Variants in IL1RAPL1 observed in about 807,000 individuals in gnomAD.
IL1RAPL1 encodes the protein interleukin-1 receptor accessory protein-like 1.
IL1RAPL1 carries 3 observed loss-of-function variants against 48.4 expected under a neutral mutation model. The ratio of observed to expected loss-of-function variants is 0.06; its 90% confidence interval spans 0.03 to 0.16. The LOEUF (loss-of-function observed/expected upper bound fraction) is 0.16, where lower values mean the gene tolerates loss of function less well. IL1RAPL1 is among the 10% of genes least tolerant of loss of function. IL1RAPL1 has a pLI of 1.00. For synonymous variants in IL1RAPL1, 185 were observed against 187.7 expected (o/e 0.99, Z 0.12); for missense variants, 349 against 530.6 (o/e 0.66, Z 3.36).
intron 1 of IL1RAPL1, among the ~76,000 whole-genome samples, chrX:28,624,642 C>T (rs758285262): frequency 9.0e-6 from 1 of 111,722 alleles, no homozygotes; most frequent in African/African-American, 3.3e-5. Flanking sequence ...TCAACAACTC[C>T]GTGAAGCTTT....
intron 2 of IL1RAPL1, among the ~76,000 whole-genome samples, chrX:29,208,708 A>AAATAAT (rs1199838563): frequency 3.0e-4 from 30 of 100,877 alleles, no homozygotes; most frequent in South Asian, 4.3e-4. Context: ...AAGATTCCAA[A>AAATAAT]AATAATAATA....
At chrX:29,916,975 TTC>T (rs1932804511) in intron 6 of IL1RAPL1, among the ~76,000 whole-genome samples, 1 of 112,577 alleles carries the variant, frequency 8.9e-6, no homozygotes, top group African/African-American at 3.2e-5. Context: ...TTTAATAGCA[TTC>T]TCTTAGGATC....
intron 6 of IL1RAPL1, among the ~76,000 whole-genome samples, chrX:29,705,466 T>G (rs1365114104): frequency 8.9e-6 from 1 of 112,426 alleles, no homozygotes; most frequent in African/African-American, 3.2e-5. Context: ...CAGCCTGCCT[T>G]GGCCTCCCAA....
chrX:29,413,742 A>G (rs1934178118), intron 5 of IL1RAPL1, among the ~76,000 whole-genome samples: 1 of 110,812 alleles, frequency 9.0e-6, no homozygotes, highest in Non-Finnish European at 1.9e-5. Context: ...ACTAACATTC[A>G]TTGACCATTA....
At chrX:29,046,270 C>T (rs1353767353) in intron 2 of IL1RAPL1, among the ~76,000 whole-genome samples, 2 of 110,369 alleles carry the variant, frequency 1.8e-5, no homozygotes, top group African/African-American at 6.6e-5. Context: ...GTTACCCAGA[C>T]TGGTGTTGAA....
At chrX:28,738,324 A>T (rs1202313723) in intron 1 of IL1RAPL1, among the ~76,000 whole-genome samples, 1 of 112,328 alleles carries the variant, frequency 8.9e-6, no homozygotes, top group Non-Finnish European at 1.9e-5. Flanking sequence ...AATATTTACT[A>T]AATGCTTATT....
At chrX:29,412,640 T>C (rs1260758127) in intron 5 of IL1RAPL1, among the ~76,000 whole-genome samples, 1 of 112,072 alleles carries the variant, frequency 8.9e-6, no homozygotes, top group Non-Finnish European at 1.9e-5. Flanking sequence ...TAGTTCGGCT[T>C]ATATTTCTGT....
intron 1 of IL1RAPL1, among the ~76,000 whole-genome samples, chrX:28,598,677 G>C (rs905440652): frequency 9.7e-6 from 1 of 102,759 alleles, no homozygotes; most frequent in Admixed American, 1.0e-4. Flanking sequence ...TGCCCAGGCT[G>C]GAGTGCAATG....
intron 1 of IL1RAPL1, among the ~76,000 whole-genome samples, chrX:28,631,688 G>A (rs1934403069): frequency 8.9e-6 from 1 of 112,412 alleles, no homozygotes; most frequent in Admixed American, 9.4e-5. Flanking sequence ...AAATCTTTAA[G>A]CTTTTCTCCA....
At chrX:29,847,150 G>A (rs1233311223) in intron 6 of IL1RAPL1, among the ~76,000 whole-genome samples, 1 of 111,856 alleles carries the variant, frequency 8.9e-6, no homozygotes, top group Non-Finnish European at 1.9e-5. Flanking sequence ...TCTGTAATTC[G>A]AGTAGATAAG....
intron 2 of IL1RAPL1, among the ~76,000 whole-genome samples, chrX:28,963,379 T>G (rs1001134456): frequency 9.0e-6 from 1 of 111,389 alleles, no homozygotes; most frequent in Non-Finnish European, 1.9e-5. Context: ...CATTATATAT[T>G]CCTCTGCATA....
intron 2 of IL1RAPL1, among the ~76,000 whole-genome samples, chrX:29,039,785 CAAAAA>C (rs35505034): frequency 4.4e-4 from 27 of 61,879 alleles, no homozygotes; most frequent in African/African-American, 1.3e-3. Context: ...TAACAATCCT[CAAAAA>C]AAAAAAAAAA....
chrX:29,143,912 G>C (rs373573867), intron 2 of IL1RAPL1, among the ~76,000 whole-genome samples: 1 of 111,626 alleles, frequency 9.0e-6, no homozygotes, highest in African/African-American at 3.3e-5. Context: ...ACGATATGTC[G>C]ATACAACAGT....
At chrX:28,719,639 A>C (rs2146939051) in intron 1 of IL1RAPL1, among the ~76,000 whole-genome samples, 1 of 111,243 alleles carries the variant, frequency 9.0e-6, no homozygotes, top group South Asian at 3.8e-4. Flanking sequence ...ACTGTTCATT[A>C]GGTAGAAACC....
chrX:29,459,107 G>T (rs1432954374), intron 5 of IL1RAPL1, among the ~76,000 whole-genome samples: 1 of 111,953 alleles, frequency 8.9e-6, no homozygotes, highest in African/African-American at 3.2e-5. Context: ...AAAGGAGGAG[G>T]ATATGACATC....
chrX:29,287,401 A>G (rs1421109977), intron 3 of IL1RAPL1, among the ~76,000 whole-genome samples: 2 of 112,264 alleles, frequency 1.8e-5, no homozygotes, highest in Admixed American at 1.9e-4. Flanking sequence ...TTCATATTCA[A>G]TTTTTGGTGA....
chrX:29,501,950 C>T (rs1399435048), intron 5 of IL1RAPL1, among the ~76,000 whole-genome samples: 2 of 110,384 alleles, frequency 1.8e-5, no homozygotes, highest in Non-Finnish European at 3.8e-5. Context: ...TTAATTCTTC[C>T]AATCAATGAG....
intron 8 of IL1RAPL1, among the ~76,000 whole-genome samples, chrX:29,940,048 A>T (rs1933099803): frequency 9.1e-6 from 1 of 110,081 alleles, no homozygotes; most frequent in African/African-American, 3.3e-5. Flanking sequence ...TTTTTAGTAG[A>T]GACAGGGTTT....
At chrX:29,039,166 T>C (rs1262700062) in intron 2 of IL1RAPL1, among the ~76,000 whole-genome samples, 3 of 111,575 alleles carry the variant, frequency 2.7e-5, no homozygotes, top group Non-Finnish European at 5.7e-5. Flanking sequence ...ATTAAACTAG[T>C]ATACATAGAT....
Sources: gnomAD v4.1 joint callset for allele counts (sites outside exome capture counted in the v4.1 genomes callset) on GRCh38, gnomAD v4.1.1 for gene constraint, MANE v1.5 for transcripts, NCBI Gene and HGNC (gene_info 2026-07-23, HGNC 2026-07-21) for gene names.